Variants in MACROD2 observed in about 807,000 individuals in gnomAD.
The protein encoded by MACROD2 is ADP-ribose glycohydrolase MACROD2.
In MACROD2, 36 loss-of-function variants were observed where a neutral mutation model predicts 70.4. The ratio of observed to expected loss-of-function variants is 0.51; its 90% CI spans 0.39 to 0.68. The LOEUF is 0.68. Among genes scored for constraint, MACROD2 ranks in the 30% least tolerant of loss-of-function variants. The pLI is 0.00. For synonymous variants in MACROD2, 172 were observed against 178.8 expected, an observed-to-expected ratio of 0.96 and a Z score of 0.30; for missense variants, 496 against 538.4, an observed-to-expected ratio of 0.92 and a Z score of 0.78.
chr20:14,611,388 T>G (rs916183880), intron 4 of MACROD2, among the ~76,000 whole-genome samples: 1 of 151,756 alleles, frequency 6.6e-6, no homozygotes, highest in Non-Finnish European at 1.5e-5. Flanking sequence ...TTACTGGTTA[T>G]TAAATTGCAT....
chr20:15,627,845 A>T (rs2049228641), intron 8 of MACROD2, among the ~76,000 whole-genome samples: 1 of 152,218 alleles, frequency 6.6e-6, no homozygotes, highest in Non-Finnish European at 1.5e-5. Flanking sequence ...GCCTATTATC[A>T]TGTAAACTAT....
intron 8 of MACROD2, among the ~76,000 whole-genome samples, chr20:15,587,995 C>T (rs551512046): frequency 1.3e-5 from 2 of 152,216 alleles, no homozygotes; most frequent in African/African-American, 2.4e-5. Context: ...GGGGCTTCAA[C>T]CCCACATTTT....
At chr20:15,066,309 T>G (rs2075574663) in intron 5 of MACROD2, among the ~76,000 whole-genome samples, 1 of 151,626 alleles carries the variant, frequency 6.6e-6, no homozygotes, top group South Asian at 2.1e-4. Context: ...TTTTTTTGTA[T>G]TTTTAGTAGA....
chr20:15,981,056 A>AT (rs1207034012), intron 13 of MACROD2, among the ~76,000 whole-genome samples: 1 of 152,230 alleles, frequency 6.6e-6, no homozygotes, highest in Non-Finnish European at 1.5e-5. Context: ...CGCAGGAAGC[A>AT]TAGACAGGGA....
chr20:14,822,750 G>A (rs959679442), intron 5 of MACROD2, among the ~76,000 whole-genome samples: 4 of 152,006 alleles, frequency 2.6e-5, no homozygotes, highest in African/African-American at 9.7e-5. Context: ...AAATAAAAAT[G>A]TGCTTTGATA....
At position 14,702,043 on chromosome 20, in the gene MACROD2, C is replaced by G. The variant is rs559200648; in HGVS notation, c.418+17084C>G. Among the ~76,000 whole-genome samples the G allele has an allele frequency of 8.5e-5, 13 of 152,184 alleles. 1 individual carries two copies. The highest frequency in any genetic ancestry group is 3.9e-4 in the Admixed American group (6 of 15,292). On this transcript the variant is annotated intron_variant, in intron 5 of 17. Transcript: ENST00000684519. Reference sequence around the variant, plus strand: ...TTATAAATAAGATTTCCTCTCATCCCTAGACATGAACATGAAGATTTGCTT... The same window carrying G: ...TTATAAATAAGATTTCCTCTCATCCGTAGACATGAACATGAAGATTTGCTT...
At chr20:14,387,394 A>AT (rs1469448190) in intron 3 of MACROD2, among the ~76,000 whole-genome samples, 1 of 152,046 alleles carries the variant, frequency 6.6e-6, no homozygotes, top group Non-Finnish European at 1.5e-5. Context: ...ATTCTTTGTC[A>AT]TGTGTGGTCA....
chr20:14,737,254 T>A (rs548496077), intron 5 of MACROD2, among the ~76,000 whole-genome samples: 2 of 152,178 alleles, frequency 1.3e-5, no homozygotes, highest in South Asian at 4.1e-4. Flanking sequence ...GTTTCCAGCA[T>A]CATCCATGTC....
chr20:14,974,782 G>A (rs1460986885), intron 5 of MACROD2, among the ~76,000 whole-genome samples: 1 of 152,098 alleles, frequency 6.6e-6, no homozygotes, highest in African/African-American at 2.4e-5. Context: ...TGTTGACGTA[G>A]TCTGTATAAT....
chr20:14,917,891 G>C (rs1245214070), intron 5 of MACROD2, among the ~76,000 whole-genome samples: 1 of 152,156 alleles, frequency 6.6e-6, no homozygotes, highest in Non-Finnish European at 1.5e-5. Context: ...GTAAAGGAGG[G>C]AAGAGAGTAA....
chr20:15,049,761 A>C (rs1337063634), intron 5 of MACROD2, among the ~76,000 whole-genome samples: 1 of 152,102 alleles, frequency 6.6e-6, no homozygotes, highest in Non-Finnish European at 1.5e-5. Context: ...CAGCCTGGCC[A>C]ACATGGTGAA....
At chr20:15,507,704 T>A (rs2047446299) in intron 8 of MACROD2, among the ~76,000 whole-genome samples, 11 of 152,168 alleles carry the variant, frequency 7.2e-5, no homozygotes, top group Admixed American at 7.2e-4. Flanking sequence ...CACCATACAC[T>A]GCCACACAAG....
chr20:14,061,019 A>G lies in MACROD2; in HGVS notation c.164-24602A>G, dbSNP rs139791447. On this transcript the variant is annotated intron_variant, in intron 2 of 17. Transcript: ENST00000684519. The stretch of plus-strand genomic sequence containing the variant: ...ACAAAAAAGGGGGGAGTGTGTATAT[A>G]ATAAAGCATGTTACCTTAAAGCTAT... Among the ~76,000 whole-genome samples the G allele has an allele frequency of 3.9e-3, 595 of 152,290 alleles. 3 individuals are homozygous for G. Among genetic ancestry groups the G allele is most frequent in the Middle Eastern group, 0.014 (4 of 294 alleles).
intron 3 of MACROD2, among the ~76,000 whole-genome samples, chr20:14,313,339 C>CACAAAGTAAAGGAGA (rs1308445269): frequency 3.9e-5 from 6 of 152,096 alleles, no homozygotes; most frequent in Non-Finnish European, 8.8e-5. Flanking sequence ...TGTTCTGTCC[C>CACAAAGTAAAGGAGA]AAGTAAGCTA....
At chr20:16,042,479 C>T (rs6034355) in intron 16 of MACROD2, among the ~76,000 whole-genome samples, 22,243 of 151,986 alleles carry the variant, frequency 0.15, 1,719 homozygotes, top group East Asian at 0.19. Flanking sequence ...CCATACACAG[C>T]AGAGGATTGC....
Position 15,137,272 on chromosome 20 carries a change from C to T in MACROD2, c.419-92668C>T, listed in dbSNP as rs982485118. Among the ~76,000 whole-genome samples, 435 of 151,830 alleles carry T rather than the reference C, an allele frequency of 2.9e-3. 1 individual carries two copies. The highest frequency in any genetic ancestry group is 9.4e-3 in the African/African-American group (388 of 41,332). The stretch of plus-strand genomic sequence containing the variant: ...GACACATGCACACGTATGTTTATTG[C>T]GGCACTATTCACGATAGCAAAGACT... On this transcript the variant is annotated intron_variant, in intron 5 of 17. Coordinates refer to ENST00000684519, the MANE Select transcript of MACROD2 (RefSeq NM_001351661.2).
chr20:15,446,608 C>T (rs1236879746), intron 7 of MACROD2, among the ~76,000 whole-genome samples: 1 of 152,190 alleles, frequency 6.6e-6, no homozygotes, highest in Non-Finnish European at 1.5e-5. Flanking sequence ...TTCAACCAAA[C>T]TTGCGAACGC....
intron 6 of MACROD2, among the ~76,000 whole-genome samples, chr20:15,247,125 T>C (rs544086094): frequency 6.6e-6 from 1 of 152,308 alleles, no homozygotes; most frequent in African/African-American, 2.4e-5. Context: ...GTGATGATGA[T>C]TGCATAACTG....
chr20:15,831,551 T>A (rs1281692566), intron 8 of MACROD2, among the ~76,000 whole-genome samples: 1 of 152,176 alleles, frequency 6.6e-6, no homozygotes, highest in Non-Finnish European at 1.5e-5. Flanking sequence ...CTTCATTCAT[T>A]TTGTGCCTAT....
Sources: gnomAD v4.1 joint callset for allele counts (sites outside exome capture counted in the v4.1 genomes callset) on GRCh38, gnomAD v4.1.1 for gene constraint, MANE v1.5 for transcripts, NCBI Gene and HGNC (gene_info 2026-07-23, HGNC 2026-07-21) for gene names.